Variants in KCNQ3 observed in about 807,000 individuals in gnomAD.
KCNQ3 encodes the protein potassium voltage-gated channel subfamily Q member 3.
In KCNQ3, 30 loss-of-function variants were observed where a neutral mutation model predicts 92.5. The observed-to-expected ratio is 0.32, with a 90% CI of 0.24 to 0.44. The LOEUF (loss-of-function observed/expected upper bound fraction) is 0.44. KCNQ3 is among the 20% of genes least tolerant of loss of function. The probability of loss-of-function intolerance (pLI) is 1.00; values close to 1 mark genes in which losing one functional copy is unlikely to be tolerated. For synonymous variants in KCNQ3, 450 were observed against 468.8 expected (o/e 0.96, Z 0.52); for missense variants, 913 against 1,140.3 (o/e 0.80, Z 2.87).
At chr8:132,363,048 T>C (rs1391087392) in intron 1 of KCNQ3, among the ~76,000 whole-genome samples, 1 of 152,002 alleles carries the variant, frequency 6.6e-6, no homozygotes, top group Admixed American at 6.6e-5. Flanking sequence ...GTAGACTCAA[T>C]GGGTACTGCC....
chr8:132,274,290 T>C (rs939893613), intron 1 of KCNQ3, among the ~76,000 whole-genome samples: 3 of 152,204 alleles, frequency 2.0e-5, no homozygotes, highest in African/African-American at 2.4e-5. Flanking sequence ...AGAGAGCTTA[T>C]GCATAGGAAC....
chr8:132,233,055 G>A (rs890141861), intron 1 of KCNQ3, among the ~76,000 whole-genome samples: 4 of 152,114 alleles, frequency 2.6e-5, no homozygotes, highest in Non-Finnish European at 4.4e-5. Context: ...ATCTTGCCAC[G>A]TGAGAAAAAT....
At chr8:132,260,505 G>A (rs1815744541) in intron 1 of KCNQ3, among the ~76,000 whole-genome samples, 1 of 152,108 alleles carries the variant, frequency 6.6e-6, no homozygotes, top group Non-Finnish European at 1.5e-5. Context: ...GCCATATTGG[G>A]ATAAGTTCTG....
chr8:132,133,237 T>C (rs527926966), intron 13 of KCNQ3, among the ~76,000 whole-genome samples: 57 of 152,268 alleles, frequency 3.7e-4, no homozygotes, highest in African/African-American at 1.3e-3. Context: ...CTCTTTTAGA[T>C]GGGGCACGCA....
rs2163608 is a variant in KCNQ3 at position 132,125,137 on chromosome 8, A to G, written c.*4125T>C. Reference sequence around the variant, plus strand: ...AAGAAGAAAGCTGGTTTCTCCAACAATCTTCCTCAGATTCCCTAGAATCCC... The same window carrying G: ...AAGAAGAAAGCTGGTTTCTCCAACAGTCTTCCTCAGATTCCCTAGAATCCC... On this transcript the variant is annotated 3_prime_UTR_variant, in exon 15 of 15. Transcript: ENST00000388996. 0.068 allele frequency: 10,423 copies of G among 152,190 alleles called. 466 individuals are homozygous for G. The highest frequency in any genetic ancestry group is 0.14 in the Admixed American group (2,136 of 15,282). 9.4% of individuals were successfully genotyped at this position (152,190 alleles called of 1,614,324 possible). A position where few individuals can be genotyped will look rare whatever the true frequency, so the allele number is the denominator to read the frequency against.
At chr8:132,188,016 C>T (rs114755015) in intron 1 of KCNQ3, among the ~76,000 whole-genome samples, 3,197 of 152,056 alleles carry the variant, frequency 0.021, 120 homozygotes, top group African/African-American at 0.074. Context: ...ATGACCATTC[C>T]CATTTTAGAG....
intron 1 of KCNQ3, among the ~76,000 whole-genome samples, chr8:132,348,161 T>G (rs1403970780): frequency 6.6e-6 from 1 of 151,714 alleles, no homozygotes; most frequent in Non-Finnish European, 1.5e-5. Flanking sequence ...ACAAGTTAAC[T>G]CTAAGTCCCA....
chr8:132,188,103 T>A (rs910870783), intron 1 of KCNQ3, among the ~76,000 whole-genome samples: 2 of 152,002 alleles, frequency 1.3e-5, no homozygotes, highest in African/African-American at 4.8e-5. Context: ...AAGCTTGGAG[T>A]CTAAGCTTAA....
At chr8:132,412,275 G>T (rs552286928) in intron 1 of KCNQ3, among the ~76,000 whole-genome samples, 4 of 149,090 alleles carry the variant, frequency 2.7e-5, no homozygotes, top group African/African-American at 9.9e-5. Flanking sequence ...CCCCCCACCC[G>T]CCGGCCCCAA....
intron 1 of KCNQ3, among the ~76,000 whole-genome samples, chr8:132,224,777 G>A (rs919082725): frequency 1.3e-5 from 2 of 152,078 alleles, no homozygotes; most frequent in African/African-American, 4.8e-5. Flanking sequence ...TCTCAGCAAT[G>A]CTCTGTCCTA....
chr8:132,407,985 C>T (rs924995525), intron 1 of KCNQ3, among the ~76,000 whole-genome samples: 10 of 152,076 alleles, frequency 6.6e-5, no homozygotes, highest in African/African-American at 1.7e-4. Context: ...AAAGGTAAGT[C>T]GCTGGGTGGG....
rs937626935 is a variant in KCNQ3 at position 132,333,836 on chromosome 8, T to C, written c.386+146311A>G. On this transcript the variant is annotated intron_variant, in intron 1 of 14. Transcript: ENST00000388996. The stretch of plus-strand genomic sequence containing the variant: ...GCAGCCTCCGGTTCCCGAGTTCAAG[T>C]GATTCCCCTGCCTCAGGCTTTGGAA... Among the ~76,000 whole-genome samples, 13 of 151,856 alleles carry C rather than the reference T, an allele frequency of 8.6e-5. No homozygotes were observed. In the East Asian group the frequency reaches 1.9e-3, roughly 23 times the overall value.
At chr8:132,271,421 A>AT (rs1227685626) in intron 1 of KCNQ3, among the ~76,000 whole-genome samples, 1 of 151,026 alleles carries the variant, frequency 6.6e-6, no homozygotes. Flanking sequence ...GTCATATTTT[A>AT]TTTATTTATT....
intron 9 of KCNQ3, among the ~76,000 whole-genome samples, chr8:132,160,151 G>A (rs1488845659): frequency 6.6e-6 from 1 of 151,932 alleles, no homozygotes; most frequent in Admixed American, 6.6e-5. Context: ...GTGAAGGAGG[G>A]GGCTACATAA....
chr8:132,155,676 A>G (rs912552501), intron 9 of KCNQ3, among the ~76,000 whole-genome samples: 1 of 152,208 alleles, frequency 6.6e-6, no homozygotes, highest in African/African-American at 2.4e-5. Context: ...GCAAAACAAC[A>G]TGGTTCCAAT....
At chr8:132,442,065 C>T (rs1013633885) in intron 1 of KCNQ3, among the ~76,000 whole-genome samples, 28 of 152,174 alleles carry the variant, frequency 1.8e-4, no homozygotes, top group African/African-American at 6.5e-4. Context: ...GCATACACTG[C>T]GGTCTTTCAG....
intron 1 of KCNQ3, among the ~76,000 whole-genome samples, chr8:132,454,356 T>A (rs1030427212): frequency 6.6e-6 from 1 of 152,260 alleles, no homozygotes; most frequent in Admixed American, 6.5e-5. Context: ...ATTAAAATTA[T>A]GTACAGTGTG....
At chr8:132,431,068 T>C (rs1252418179) in intron 1 of KCNQ3, among the ~76,000 whole-genome samples, 6 of 152,272 alleles carry the variant, frequency 3.9e-5, no homozygotes, top group African/African-American at 1.4e-4. Context: ...TCATCTTCCA[T>C]CTTTGATTGC....
In KCNQ3 at chr8:132,419,205, C is replaced by T. The variant is rs542150420; in HGVS notation, c.386+60942G>A. 2.6e-5 allele frequency among the ~76,000 whole-genome samples: 4 copies of T among 152,286 alleles called. No individual in the cohort carries two copies. In the East Asian group the frequency reaches 7.7e-4, roughly 29 times the overall value. ...GAAATTCCTTCCACTGCCAGGCTCC[C>T]TGCTGAACAACAGTGTTCTCTCACC... is the stretch of plus-strand genomic sequence containing the variant. On this transcript the variant is annotated intron_variant, in intron 1 of 14. Transcript: ENST00000388996.
Sources: allele counts gnomAD v4.1 joint callset (sites outside exome capture counted in the v4.1 genomes callset), GRCh38; gene constraint gnomAD v4.1.1; transcripts MANE v1.5; gene names NCBI Gene and HGNC (gene_info 2026-07-23, HGNC 2026-07-21).